Variants in HLTF observed in about 807,000 individuals in gnomAD.
The protein encoded by HLTF is helicase like transcription factor, also known as DNA-dependent ATPase/E3 ubiquitin-protein ligase HLTF.
In HLTF, 127 loss-of-function variants were observed where a neutral mutation model predicts 129.4. The ratio of observed to expected loss-of-function variants is 0.98; its 90% CI spans 0.85 to 1.14. HLTF has a LOEUF of 1.14. Among genes scored for constraint, HLTF ranks in the 50% most tolerant of loss-of-function variants. The pLI is 0.00. For missense variants in HLTF, 1,139 were observed against 1,187.1 expected (o/e 0.96, Z 0.60); for synonymous variants, 332 against 388.8 (o/e 0.85, Z 1.72).
intron 2 of HLTF, among the ~76,000 whole-genome samples, chr3:149,079,425 A>T: frequency 6.8e-6 from 1 of 146,076 alleles, no homozygotes. Flanking sequence ...ATTTAAAAAA[A>T]TAAAAATTTT....
chr3:149,049,013 G>A lies in HLTF; in HGVS notation c.1618-12C>T, dbSNP rs753856656. On this transcript the variant is annotated splice_polypyrimidine_tract_variant and intron_variant, in intron 15 of 24. Coordinates refer to ENST00000310053, the MANE Select transcript of HLTF (RefSeq NM_003071.4). ...CTATCTCCTTTAGTCTGAAATAAAT[G>A]TTTTATATGAATTAAAAAACACAGG... The A allele has an allele frequency of 2.6e-6, 4 of 1,559,762 alleles. No homozygotes were observed. Among genetic ancestry groups the A allele is most frequent in the Non-Finnish European group, 3.5e-6 (4 of 1,139,204 alleles).
At chr3:149,075,284 C>A (rs1719247582) in intron 3 of HLTF, among the ~76,000 whole-genome samples, 1 of 152,184 alleles carries the variant, frequency 6.6e-6, no homozygotes, top group Admixed American at 6.5e-5. Flanking sequence ...CACGGTGGCT[C>A]ACGCCTGTAA....
chr3:149,073,955 T>C lies in HLTF; in HGVS notation c.529+260A>G, dbSNP rs1415040789. ...AGGGAAAATTAGGGGAGGGTATATA[T>C]GAGACTTCATTGCATATATACTTTT... On this transcript the variant is annotated intron_variant, in intron 4 of 24. Coordinates refer to ENST00000310053, the MANE Select transcript of HLTF (RefSeq NM_003071.4). Among the ~76,000 whole-genome samples, 7 of 152,306 alleles carry C rather than the reference T, an allele frequency of 4.6e-5. No homozygotes were observed. The East Asian group carries it at 1.4e-3, about 29-fold the overall frequency.
chr3:149,076,102 T>G, intron 2 of HLTF, 55 bp from the exon 3 acceptor site: 1 of 663,176 alleles, frequency 1.5e-6, no homozygotes, highest in Non-Finnish European at 2.4e-6. Context: ...ACAATAACTT[T>G]GTTATACTTT....
At chr3:149,042,325 C>CTA in intron 18 of HLTF, 35 bp from the exon 19 acceptor site, 2 of 1,541,764 alleles carry the variant, frequency 1.3e-6, no homozygotes, top group Non-Finnish European at 1.8e-6. Flanking sequence ...ATTAAGTCCG[C>CTA]TAAACAATAA....
chr3:149,082,255 C>T (rs913292161), intron 2 of HLTF, among the ~76,000 whole-genome samples: 16 of 151,998 alleles, frequency 1.1e-4, no homozygotes, highest in Admixed American at 9.2e-4. Flanking sequence ...TCAGGAGATA[C>T]AGACCATCCT....
intron 6 of HLTF, 53 bp from the exon 7 acceptor site, chr3:149,071,496 T>C: frequency 2.0e-6 from 3 of 1,491,584 alleles, no homozygotes; most frequent in African/African-American, 1.4e-5. Flanking sequence ...CTTTTTCACA[T>C]GCAGATCCTG....
Position 149,041,441 on chromosome 3 carries a change from G to A in HLTF, c.2376+49C>T, listed in dbSNP as rs78433146. On this transcript the variant is annotated intron_variant, in intron 20 of 24. Coordinates refer to ENST00000310053, the MANE Select transcript of HLTF (RefSeq NM_003071.4). ...ACTATCTTTTATTATATTAAAGACA[G>A]GTACACTACTCTATCAAACACTGAA... 667 of 1,251,748 alleles carry A rather than the reference G, an allele frequency of 5.3e-4. 3 individuals are homozygous for A. The highest frequency in any genetic ancestry group is 3.2e-4 in the Non-Finnish European group (290 of 912,738). The allele number at this position is 1,251,748 out of a possible 1,614,324, so 77.5% of individuals were successfully genotyped here.
chr3:149,077,093 C>CAA (rs1490902381), intron 2 of HLTF, among the ~76,000 whole-genome samples: 1 of 151,774 alleles, frequency 6.6e-6, no homozygotes, highest in African/African-American at 2.4e-5. Context: ...ACTAAAAATA[C>CAA]AAAAATTAGC....
chr3:149,070,700 A>C lies in HLTF; in HGVS notation c.894+552T>G, dbSNP rs574368519. On this transcript the variant is annotated intron_variant, in intron 7 of 24. Transcript: ENST00000310053. ...AACATTGTTTTGTCTTTACTTTTTA[A>C]AAGAAAACCTATGAAAGACAGGTCA... is the stretch of plus-strand genomic sequence containing the variant. Among the ~76,000 whole-genome samples, 9 of 152,294 alleles carry C rather than the reference A, an allele frequency of 5.9e-5. 1 individual carries two copies. Among genetic ancestry groups the C allele is most frequent in the African/African-American group, 2.2e-4 (9 of 41,564 alleles).
chr3:149,034,826 ACACT>A, intron 24 of HLTF, 88 bp downstream of exon 24: 1 of 830,312 alleles, frequency 1.2e-6, no homozygotes, highest in South Asian at 1.5e-5. Flanking sequence ...CTGCATAATT[ACACT>A]CAATCATAAT....
intron 2 of HLTF, among the ~76,000 whole-genome samples, chr3:149,083,270 A>G (rs1720042159): frequency 6.6e-6 from 1 of 152,074 alleles, no homozygotes; most frequent in Non-Finnish European, 1.5e-5. Context: ...AACAAAAACA[A>G]ATAAAAGAAC....
chr3:149,057,039 G>A (rs1717504152), intron 13 of HLTF, among the ~76,000 whole-genome samples: 1 of 148,076 alleles, frequency 6.8e-6, no homozygotes, highest in Non-Finnish European at 1.5e-5. Context: ...AACCCCAGGG[G>A]GCGGAGCCTG....
chr3:149,081,548 G>T (rs937018723), intron 2 of HLTF, among the ~76,000 whole-genome samples: 1 of 152,030 alleles, frequency 6.6e-6, no homozygotes, highest in Non-Finnish European at 1.5e-5. Context: ...GCCTTGAAAA[G>T]AAATAATGTC....
At chr3:149,063,669 T>G in intron 9 of HLTF, 145 bp from the exon 10 acceptor site, 1 of 572,250 alleles carries the variant, frequency 1.7e-6, no homozygotes, top group South Asian at 2.2e-5. Flanking sequence ...TTTTCTCTAC[T>G]TTTTTCCTAA....
At chr3:149,069,070 G>A (rs1266620600) in intron 7 of HLTF, among the ~76,000 whole-genome samples, 1 of 152,002 alleles carries the variant, frequency 6.6e-6, no homozygotes, top group African/African-American at 2.4e-5. Flanking sequence ...AATAGCAATG[G>A]TCAAAAAAGT....
At position 149,063,354 on chromosome 3, in the gene HLTF, C is replaced by T. The variant is rs1345910433; in HGVS notation, c.1160+77G>A. 3.0e-6 allele frequency: 3 copies of T among 998,382 alleles called. No individual in the cohort carries two copies. The Admixed American group carries it at 5.2e-5, about 17-fold the overall frequency. The allele number at this position is 998,382 out of a possible 1,614,324, so 61.8% of individuals were successfully genotyped here. A position where few individuals can be genotyped will look rare whatever the true frequency, so the allele number is the denominator to read the frequency against. Reference sequence around the variant, plus strand: ...GGATTACAGGTGTGAGCCACCGTGCCCAGCCTCTATCTCTTTTACACATAA... The same window carrying T: ...GGATTACAGGTGTGAGCCACCGTGCTCAGCCTCTATCTCTTTTACACATAA... On this transcript the variant is annotated intron_variant, in intron 10 of 24. Transcript: ENST00000310053.
intron 7 of HLTF, among the ~76,000 whole-genome samples, chr3:149,070,930 A>G (rs912602267): frequency 6.6e-6 from 1 of 152,074 alleles, no homozygotes; most frequent in African/African-American, 2.4e-5. Context: ...CTGTAATCCC[A>G]GCTATTTGGA....
chr3:149,037,477 A>G (rs143223809), intron 23 of HLTF, among the ~76,000 whole-genome samples: 2,742 of 151,326 alleles, frequency 0.018, 92 homozygotes, highest in African/African-American at 0.063. Context: ...CAAAAAAAAA[A>G]AAAAAAGAAA....
Sources: gnomAD v4.1 joint callset for allele counts (sites outside exome capture counted in the v4.1 genomes callset) on GRCh38, gnomAD v4.1.1 for gene constraint, MANE v1.5 for transcripts, NCBI Gene and HGNC (gene_info 2026-07-23, HGNC 2026-07-21) for gene names.